PDE11A: variants seen among roughly 807,000 people sequenced by gnomAD.
PDE11A encodes the protein dual 3',5'-cyclic-AMP and -GMP phosphodiesterase 11A.
Under a neutral mutation model 100.5 loss-of-function variants are expected in PDE11A, and 100 were observed. The ratio of observed to expected loss-of-function variants is 1.00; its 90% confidence interval spans 0.85 to 1.18. The LOEUF (loss-of-function observed/expected upper bound fraction) is 1.18, where lower values mean the gene tolerates loss of function less well. PDE11A is among the 50% of genes most tolerant of loss of function. PDE11A has a pLI of 0.00. For missense variants in PDE11A, 1,141 were observed against 1,152.6 expected (o/e 0.99, Z 0.15); for synonymous variants, 381 against 420.8 (o/e 0.91, Z 1.16).
intron 1 of PDE11A, among the ~76,000 whole-genome samples, chr2:178,032,955 AC>A (rs1321591290): frequency 3.9e-5 from 6 of 152,228 alleles, no homozygotes; most frequent in African/African-American, 1.4e-4. Context: ...GTGCAAAAAA[AC>A]AACTGAAAAT....
At chr2:177,903,836 A>C (rs1324257088) in intron 3 of PDE11A, among the ~76,000 whole-genome samples, 4 of 152,194 alleles carry the variant, frequency 2.6e-5, no homozygotes, top group African/African-American at 7.2e-5. Flanking sequence ...ATCAAATGAA[A>C]CAGATTGTTT....
At chr2:177,997,491 T>C in intron 2 of PDE11A, 1 of 808,398 alleles carries the variant, frequency 1.2e-6, no homozygotes, top group Non-Finnish European at 2.2e-6. Context: ...AGATCCTTGA[T>C]TAAAACATTG....
At chr2:177,734,888 G>C (rs1402022609) in intron 10 of PDE11A, among the ~76,000 whole-genome samples, 2 of 152,240 alleles carry the variant, frequency 1.3e-5, no homozygotes, top group African/African-American at 4.8e-5. Context: ...TAGAAGGATA[G>C]GGTGAGTGGA....
chr2:177,982,508 C>T (rs535533121), intron 2 of PDE11A, among the ~76,000 whole-genome samples: 6 of 150,488 alleles, frequency 4.0e-5, no homozygotes, highest in South Asian at 2.2e-4. Flanking sequence ...GTAGGGGATA[C>T]GACACCTTGG....
chr2:177,957,251 AT>A (rs72402753), intron 2 of PDE11A, among the ~76,000 whole-genome samples: 9,537 of 152,102 alleles, frequency 0.063, 311 homozygotes, highest in South Asian at 0.094. Flanking sequence ...AATATATGCT[AT>A]TTTTTCCCAA....
At chr2:178,029,756 C>T (rs1247830971) in intron 1 of PDE11A, among the ~76,000 whole-genome samples, 1 of 152,042 alleles carries the variant, frequency 6.6e-6, no homozygotes, top group Non-Finnish European at 1.5e-5. Context: ...CCCCTCAAAA[C>T]TCGTGTTAAA....
At chr2:177,641,193 C>G (rs2080136431) in intron 19 of PDE11A, among the ~76,000 whole-genome samples, 1 of 152,112 alleles carries the variant, frequency 6.6e-6, no homozygotes, top group African/African-American at 2.4e-5. Flanking sequence ...CTCATCATCG[C>G]AAGTCCAAAT....
chr2:177,760,166 T>G (rs982109602), intron 10 of PDE11A, among the ~76,000 whole-genome samples: 3 of 152,164 alleles, frequency 2.0e-5, no homozygotes, highest in African/African-American at 7.2e-5. Flanking sequence ...CTACATAAAA[T>G]GGAGATATGC....
chr2:178,082,341 T>C lies in PDE11A; in HGVS notation c.162+21961A>G, dbSNP rs955257462. Among the ~76,000 whole-genome samples, 7 of 152,208 alleles carry C rather than the reference T, an allele frequency of 4.6e-5. 1 individual carries two copies. The South Asian group carries it at 1.5e-3, about 32-fold the overall frequency. On this transcript the variant is annotated intron_variant, in intron 2 of 20. Coordinates refer to the PDE11A transcript ENST00000358450. ...TATCATTAATTTAGCCACCAGTCCA[T>C]ACACCTGAAAGAAATACAATTTTAA...
chr2:177,851,726 G>A (rs887727272), intron 5 of PDE11A, among the ~76,000 whole-genome samples: 9 of 151,200 alleles, frequency 6.0e-5, no homozygotes, highest in African/African-American at 1.2e-4. Flanking sequence ...TCTGTTTTTC[G>A]TTTTTAAAAT....
chr2:177,745,262 A>G (rs1559170376), intron 10 of PDE11A, among the ~76,000 whole-genome samples: 1 of 152,150 alleles, frequency 6.6e-6, no homozygotes, highest in Non-Finnish European at 1.5e-5. Flanking sequence ...TCTTTGGGAG[A>G]GTTAGCATTT....
chr2:177,814,108 A>G (rs1398328676), intron 9 of PDE11A, among the ~76,000 whole-genome samples: 2 of 152,098 alleles, frequency 1.3e-5, no homozygotes, highest in South Asian at 2.1e-4. Context: ...CAGCTCTGTT[A>G]TTACTATTTT....
intron 9 of PDE11A, among the ~76,000 whole-genome samples, chr2:177,814,861 G>A (rs1314734418): frequency 6.6e-6 from 1 of 152,200 alleles, no homozygotes; most frequent in Non-Finnish European, 1.5e-5. Context: ...GTGCCAGTGA[G>A]AGTGGTGCCT....
intron 2 of PDE11A, among the ~76,000 whole-genome samples, chr2:178,101,866 T>C (rs547948423): frequency 6.6e-6 from 1 of 152,338 alleles, no homozygotes; most frequent in Admixed American, 6.5e-5. Context: ...TAAAAGATGA[T>C]AAAATACTAC....
chr2:177,751,387 T>C (rs1447305069), intron 10 of PDE11A, among the ~76,000 whole-genome samples: 2 of 152,224 alleles, frequency 1.3e-5, no homozygotes, highest in Non-Finnish European at 2.9e-5. Context: ...AAATGACTAA[T>C]AGCGCTTCCT....
chr2:178,041,875 C>T (rs958360002), intron 1 of PDE11A, among the ~76,000 whole-genome samples: 2 of 152,156 alleles, frequency 1.3e-5, no homozygotes, highest in African/African-American at 4.8e-5. Context: ...GCTGAACCAG[C>T]CTGCAAATTA....
chr2:177,746,517 T>C (rs1270673110), intron 10 of PDE11A, among the ~76,000 whole-genome samples: 1 of 152,186 alleles, frequency 6.6e-6, no homozygotes, highest in African/African-American at 2.4e-5. Flanking sequence ...TATTCTGATA[T>C]CACATCTAAG....
At chr2:177,767,501 T>A (rs2082255428) in intron 10 of PDE11A, among the ~76,000 whole-genome samples, 1 of 152,124 alleles carries the variant, frequency 6.6e-6, no homozygotes, top group Admixed American at 6.5e-5. Context: ...ACAGCAAAAA[T>A]ATAATATAAA....
chr2:177,817,932 G>A lies in PDE11A; in HGVS notation c.1577-7C>T, dbSNP rs1460014626. The A allele has an allele frequency of 2.2e-6, 3 of 1,338,834 alleles. No individual in the cohort carries two copies. The highest frequency in any genetic ancestry group is 3.2e-6 in the Non-Finnish European group (3 of 931,644). The allele number at this position is 1,338,834 out of a possible 1,614,324, so 82.9% of individuals were successfully genotyped here. On this transcript the variant is annotated splice_polypyrimidine_tract_variant and splice_region_variant and intron_variant, in intron 7 of 19. Transcript: ENST00000286063. ...TTTAACACTTGAGCCACTCCTATGG[G>A]GAAAGAGTGGATTATGTGGTCATTT...
Sources: gnomAD v4.1 joint callset for allele counts (sites outside exome capture counted in the v4.1 genomes callset) on GRCh38, gnomAD v4.1.1 for gene constraint, MANE v1.5 for transcripts, NCBI Gene and HGNC (gene_info 2026-07-23, HGNC 2026-07-21) for gene names.